ZNF385D: variants seen among roughly 807,000 people sequenced by gnomAD.
ZNF385D encodes zinc finger protein 385D.
A neutral mutation model predicts 35.8 loss-of-function variants in ZNF385D; 15 were observed. The observed-to-expected ratio is 0.42, with a 90% confidence interval of 0.28 to 0.64. The LOEUF (loss-of-function observed/expected upper bound fraction) is 0.64. Ranked by LOEUF, ZNF385D falls within the 30% of genes least tolerant of loss-of-function variation. The pLI, the probability that ZNF385D is intolerant of heterozygous loss-of-function variation, is 0.23. For missense variants in ZNF385D, 474 were observed against 494.6 expected (o/e 0.96, Z 0.39); for synonymous variants, 212 against 186.8 (o/e 1.13, Z -1.10).
At chr3:21,428,830 G>T (rs1701143036) in intron 5 of ZNF385D, among the ~76,000 whole-genome samples, 2 of 151,524 alleles carry the variant, frequency 1.3e-5, no homozygotes, top group African/African-American at 4.9e-5. Flanking sequence ...TTAAAAGGCT[G>T]GTACTGACAA....
At chr3:21,447,730 C>G (rs569330106) in intron 4 of ZNF385D, among the ~76,000 whole-genome samples, 1 of 152,262 alleles carries the variant, frequency 6.6e-6, no homozygotes, top group East Asian at 1.9e-4. Flanking sequence ...AGAAAGCTTA[C>G]CTCTGACTGG....
At chr3:21,997,483 G>C (rs1385863088) in intron 3 of ZNF385D, among the ~76,000 whole-genome samples, 5 of 150,386 alleles carry the variant, frequency 3.3e-5, no homozygotes, top group Admixed American at 3.3e-4. Context: ...ATGTACCCTA[G>C]AACTTAAAGT....
At chr3:21,958,819 T>C (rs991989591) in intron 3 of ZNF385D, 1 of 152,162 alleles carries the variant, frequency 6.6e-6, no homozygotes, top group Non-Finnish European at 1.5e-5. Flanking sequence ...TATTATTTTT[T>C]CTCTCTTAAC....
intron 3 of ZNF385D, among the ~76,000 whole-genome samples, chr3:21,889,051 G>C (rs1055954690): frequency 2.0e-5 from 3 of 152,232 alleles, no homozygotes; most frequent in Non-Finnish European, 4.4e-5. Context: ...TGACATTTAT[G>C]AGATGTACAG....
At chr3:21,846,389 C>T (rs1329140020) in intron 3 of ZNF385D, among the ~76,000 whole-genome samples, 2 of 152,022 alleles carry the variant, frequency 1.3e-5, no homozygotes, top group African/African-American at 4.8e-5. Context: ...TTTTAAAAAG[C>T]ACTTTCTCAT....
chr3:22,143,310 G>A (rs915205784), intron 3 of ZNF385D, among the ~76,000 whole-genome samples: 2 of 151,950 alleles, frequency 1.3e-5, no homozygotes, highest in Admixed American at 6.6e-5. Flanking sequence ...GGTCTTGATC[G>A]CCTGACCTCC....
At chr3:21,446,224 G>A (rs1020069400) in intron 4 of ZNF385D, among the ~76,000 whole-genome samples, 2 of 152,074 alleles carry the variant, frequency 1.3e-5, no homozygotes. Flanking sequence ...ATTAGTTTCC[G>A]GTTTAGATTA....
At chr3:21,874,095 T>C (rs542937642) in intron 3 of ZNF385D, among the ~76,000 whole-genome samples, 1 of 152,162 alleles carries the variant, frequency 6.6e-6, no homozygotes, top group South Asian at 2.1e-4. Flanking sequence ...GATGCACCAT[T>C]ATACATTCTC....
At chr3:21,789,726 T>G (rs3849548) in intron 3 of ZNF385D, among the ~76,000 whole-genome samples, 90,494 of 151,996 alleles carry the variant, frequency 0.6, 27,286 homozygotes, top group East Asian at 0.78. Flanking sequence ...AAAAGATAAA[T>G]CAAGGAAAGA....
chr3:21,448,314 A>G (rs1334978285), intron 4 of ZNF385D, among the ~76,000 whole-genome samples: 2 of 152,196 alleles, frequency 1.3e-5, no homozygotes, highest in African/African-American at 4.8e-5. Flanking sequence ...ATAATCTTTC[A>G]GCAACTCCTG....
At chr3:21,450,451 T>C (rs1702390508) in intron 4 of ZNF385D, among the ~76,000 whole-genome samples, 1 of 152,192 alleles carries the variant, frequency 6.6e-6, no homozygotes, top group Non-Finnish European at 1.5e-5. Context: ...AAGTCATCCC[T>C]AATTGAGGAC....
intron 2 of ZNF385D, among the ~76,000 whole-genome samples, chr3:22,217,667 A>C (rs543127239): frequency 2.6e-5 from 4 of 152,292 alleles, no homozygotes; most frequent in African/African-American, 9.6e-5. Flanking sequence ...TAACATTCTA[A>C]GGTACATTAC....
chr3:21,945,131 T>A (rs1701711351), intron 3 of ZNF385D, among the ~76,000 whole-genome samples: 1 of 149,778 alleles, frequency 6.7e-6, no homozygotes, highest in African/African-American at 2.5e-5. Flanking sequence ...CGTGTGTGTA[T>A]ATATATGTAT....
intron 2 of ZNF385D, among the ~76,000 whole-genome samples, chr3:21,601,440 T>C (rs2064287281): frequency 1.3e-5 from 2 of 152,282 alleles, no homozygotes; most frequent in South Asian, 4.1e-4. Context: ...GAGTAAAAAG[T>C]AACACAAGAT....
chr3:22,180,648 C>T (rs1424343852), intron 2 of ZNF385D, among the ~76,000 whole-genome samples: 2 of 152,102 alleles, frequency 1.3e-5, no homozygotes, highest in African/African-American at 4.8e-5. Context: ...AATCAATAAG[C>T]ATAATCCAGC....
At chr3:21,571,572 C>T (rs1393861797) in intron 2 of ZNF385D, among the ~76,000 whole-genome samples, 3 of 152,086 alleles carry the variant, frequency 2.0e-5, no homozygotes, top group African/African-American at 7.2e-5. Flanking sequence ...AATACTGCCA[C>T]TAACTATCCA....
chr3:22,346,450 ATAT>A (rs1695663452), intron 2 of ZNF385D, among the ~76,000 whole-genome samples: 1 of 152,194 alleles, frequency 6.6e-6, no homozygotes, highest in African/African-American at 2.4e-5. Flanking sequence ...CATGCATTCA[ATAT>A]TATGTGAAGT....
chr3:21,701,516 A>G (rs2067683273), intron 1 of ZNF385D, among the ~76,000 whole-genome samples: 2 of 152,078 alleles, frequency 1.3e-5, no homozygotes, highest in African/African-American at 2.4e-5. Context: ...ATATCATTCC[A>G]AACCTGGCCC....
chr3:21,452,146 C>T (rs1702499920), intron 4 of ZNF385D, among the ~76,000 whole-genome samples: 1 of 151,786 alleles, frequency 6.6e-6, no homozygotes, highest in African/African-American at 2.4e-5. Flanking sequence ...TTTAATGTAC[C>T]ATGTCAGATT....
Sources: gnomAD v4.1 joint callset for allele counts (sites outside exome capture counted in the v4.1 genomes callset) on GRCh38, gnomAD v4.1.1 for gene constraint, MANE v1.5 for transcripts, NCBI Gene and HGNC (gene_info 2026-07-23, HGNC 2026-07-21) for gene names.